The following PBX1 variants were observed in gnomAD, a reference collection of about 807,000 sequenced individuals.
PBX1 encodes pre-B-cell leukemia transcription factor 1.
PBX1 carries 6 observed loss-of-function variants against 53.4 expected under a neutral mutation model. The observed-to-expected ratio is 0.11, with a 90% CI of 0.06 to 0.22. The LOEUF (loss-of-function observed/expected upper bound fraction) is 0.22. Among genes scored for constraint, PBX1 ranks in the 10% least tolerant of loss-of-function variants. The pLI, the probability that PBX1 is intolerant of heterozygous loss-of-function variation, is 1.00. For synonymous variants in PBX1, 204 were observed against 212.3 expected (o/e 0.96, Z 0.34); for missense variants, 251 against 551.4 (o/e 0.46, Z 5.46).
chr1:164,746,214 G>C (rs1665883015), intron 2 of PBX1, among the ~76,000 whole-genome samples: 1 of 152,212 alleles, frequency 6.6e-6, no homozygotes, highest in African/African-American at 2.4e-5. Flanking sequence ...AAGAGGTTCA[G>C]TGCAGACTGT....
chr1:164,613,352 T>C (rs1657060495), intron 2 of PBX1, among the ~76,000 whole-genome samples: 2 of 152,202 alleles, frequency 1.3e-5, no homozygotes, highest in African/African-American at 4.8e-5. Context: ...CTTGTCACTC[T>C]TCTCTGAGCA....
At chr1:164,827,001 G>T (rs1670502416) in intron 8 of PBX1, among the ~76,000 whole-genome samples, 1 of 152,080 alleles carries the variant, frequency 6.6e-6, no homozygotes, top group South Asian at 2.1e-4. Flanking sequence ...CCCATGTTAG[G>T]TAAGGGGGAA....
intron 2 of PBX1, among the ~76,000 whole-genome samples, chr1:164,585,460 T>G (rs1654894900): frequency 6.6e-6 from 1 of 152,178 alleles, no homozygotes. Flanking sequence ...TTTGCTTTAG[T>G]GGCTTTGCTA....
At chr1:164,679,415 A>G (rs889368109) in intron 2 of PBX1, among the ~76,000 whole-genome samples, 11 of 152,172 alleles carry the variant, frequency 7.2e-5, no homozygotes, top group African/African-American at 2.4e-4. Context: ...GGTCTTGGGG[A>G]CCTTAGTAGG....
chr1:164,846,759 G>GCGGT lies in PBX1; in HGVS notation c.*85_*88dup. On this transcript the variant is annotated 3_prime_UTR_variant, in exon 9 of 9. Coordinates refer to ENST00000420696, the MANE Select transcript of PBX1 (RefSeq NM_002585.4). Reference sequence around the variant, plus strand: ...GGAGGGTTTCTCTCCCAACGCTGAAGCGGTCAGACTGGAGGTCGAAGCAAT... The same window carrying GCGGT: ...GGAGGGTTTCTCTCCCAACGCTGAAGCGGTCGGTCAGACTGGAGGTCGAAGCAAT... 1 of 1,610,206 alleles carries GCGGT rather than the reference G, an allele frequency of 6.2e-7. No individual in the cohort carries two copies. The highest frequency in any genetic ancestry group is 1.9e-4 in the Middle Eastern group (1 of 5,342).
chr1:164,864,766 A>G (rs573696271), intron 2 of PBX1, among the ~76,000 whole-genome samples: 12 of 152,310 alleles, frequency 7.9e-5, no homozygotes, highest in African/African-American at 2.9e-4. Flanking sequence ...TAAGAAATGT[A>G]TGCTCAGAAG....
chr1:164,776,091 C>A (rs1203422608), intron 2 of PBX1, among the ~76,000 whole-genome samples: 1 of 152,164 alleles, frequency 6.6e-6, no homozygotes, highest in East Asian at 1.9e-4. Context: ...CGTTACCTGT[C>A]TGGCCCATAG....
chr1:164,866,368 A>T (rs906914104), intron 2 of PBX1, among the ~76,000 whole-genome samples: 1 of 152,194 alleles, frequency 6.6e-6, no homozygotes, highest in Non-Finnish European at 1.5e-5. Context: ...ATTGCCTAGA[A>T]TTTCTCCATG....
intron 2 of PBX1, among the ~76,000 whole-genome samples, chr1:164,678,415 C>T (rs978482740): frequency 6.6e-6 from 1 of 152,174 alleles, no homozygotes; most frequent in Non-Finnish European, 1.5e-5. Context: ...TTACCAAACA[C>T]AATTCATTTG....
intron 5 of PBX1, among the ~76,000 whole-genome samples, chr1:164,810,259 A>G (rs1669541762): frequency 6.6e-6 from 1 of 152,204 alleles, no homozygotes; most frequent in Non-Finnish European, 1.5e-5. Context: ...TTATCTATAC[A>G]TCCCTAGTGC....
At chr1:164,854,528 G>A (rs779106034), downstream of PBX1, among the ~76,000 whole-genome samples, 4 of 152,074 alleles carry the variant, frequency 2.6e-5, no homozygotes, top group Non-Finnish European at 4.4e-5. Context: ...CAGGAATGAT[G>A]TTCTGCTTTG....
chr1:164,562,456 CACA>C (rs1653125616), intron 1 of PBX1, among the ~76,000 whole-genome samples: 1 of 66,708 alleles, frequency 1.5e-5, no homozygotes, highest in African/African-American at 6.1e-5. Context: ...TCAGAATACA[CACA>C]CACACACACA....
intron 2 of PBX1, among the ~76,000 whole-genome samples, chr1:164,587,486 C>G (rs1655028264): frequency 6.6e-6 from 1 of 152,038 alleles, no homozygotes; most frequent in African/African-American, 2.4e-5. Flanking sequence ...ATTGTGTATA[C>G]TCACCCAGCA....
At chr1:164,565,460 G>A (rs1253872768) in intron 2 of PBX1, among the ~76,000 whole-genome samples, 1 of 139,550 alleles carries the variant, frequency 7.2e-6, no homozygotes, top group Non-Finnish European at 1.6e-5. Flanking sequence ...CACAAGTCTT[G>A]GATTAAGAGG....
chr1:164,876,593 C>T (rs1338015471), intron 2 of PBX1, among the ~76,000 whole-genome samples: 1 of 152,026 alleles, frequency 6.6e-6, no homozygotes, highest in Non-Finnish European at 1.5e-5. Context: ...GTGACCCAGA[C>T]ACTGTGCTCG....
intron 2 of PBX1, among the ~76,000 whole-genome samples, chr1:164,626,671 C>T (rs866720955): frequency 1.3e-5 from 2 of 152,300 alleles, no homozygotes; most frequent in Middle Eastern, 3.4e-3. Context: ...TCTTAAAACT[C>T]TAGAAAACTG....
chr1:164,791,792 TGTG>T (rs1190547085), intron 2 of PBX1, among the ~76,000 whole-genome samples: 1 of 152,162 alleles, frequency 6.6e-6, no homozygotes, highest in Non-Finnish European at 1.5e-5. Flanking sequence ...AATTTTTTAT[TGTG>T]GTAAAATATA....
intron 2 of PBX1, among the ~76,000 whole-genome samples, chr1:164,720,500 C>T (rs1475537832): frequency 6.6e-6 from 1 of 152,170 alleles, no homozygotes; most frequent in Admixed American, 6.5e-5. Context: ...TCCCTCCCCA[C>T]ATTATAGTTC....
intron 3 of PBX1, among the ~76,000 whole-genome samples, chr1:164,793,240 T>C (rs949497218): frequency 2.0e-5 from 3 of 152,174 alleles, no homozygotes; most frequent in African/African-American, 7.2e-5. Context: ...AGTCCCTCAC[T>C]TTACCCAGAC....
Sources: gnomAD v4.1 joint callset for allele counts (sites outside exome capture counted in the v4.1 genomes callset) on GRCh38, gnomAD v4.1.1 for gene constraint, MANE v1.5 for transcripts, NCBI Gene and HGNC (gene_info 2026-07-23, HGNC 2026-07-21) for gene names.